The following KIF7 variants were observed in gnomAD, a reference collection of about 807,000 sequenced individuals.
The protein encoded by KIF7 is kinesin family member 7.
A neutral mutation model predicts 135.7 loss-of-function variants in KIF7; 104 were observed. The ratio of observed to expected loss-of-function variants is 0.77; its 90% CI spans 0.65 to 0.90. The LOEUF (loss-of-function observed/expected upper bound fraction) is 0.90, where lower values mean the gene tolerates loss of function less well. Among genes scored for constraint, KIF7 ranks in the 40% least tolerant of loss-of-function variants. KIF7 has a pLI of 0.00. For missense variants in KIF7, 2,005 were observed against 1,839.1 expected (o/e 1.09, Z -1.65); for synonymous variants, 883 against 809.4 (o/e 1.09, Z -1.54).
Position 89,628,140 on chromosome 15 carries a change from T to C in KIF7, c.*279A>G. On this transcript the variant is annotated 3_prime_UTR_variant, in exon 19 of 19. Transcript: ENST00000394412. Reference sequence around the variant, plus strand: ...AACTACAAGCACATCCATTTACGCCTGAAACCAGAATTGTCCTGAGATTCG... The same window carrying C: ...AACTACAAGCACATCCATTTACGCCCGAAACCAGAATTGTCCTGAGATTCG... 2.5e-6 allele frequency: 1 copy of C among 404,750 alleles called. No homozygotes were observed. Among genetic ancestry groups the C allele is most frequent in the Non-Finnish European group, 4.4e-6 (1 of 228,490 alleles). 25.1% of individuals were successfully genotyped at this position (404,750 alleles called of 1,614,324 possible).
intron 1 of KIF7, among the ~76,000 whole-genome samples, chr15:89,654,163 C>T (rs932473080): frequency 6.6e-6 from 1 of 152,088 alleles, no homozygotes; most frequent in Non-Finnish European, 1.5e-5. Flanking sequence ...GCGCCCGCCA[C>T]CACGCCCGGC....
At chr15:89,624,251 C>G (rs766049207), downstream of KIF7, 1 of 1,614,220 alleles carries the variant, frequency 6.2e-7, no homozygotes, top group Non-Finnish European at 8.5e-7. Flanking sequence ...CTGTTTACCT[C>G]TCCTTTATGT....
rs114722373 is a variant in KIF7, at chr15:89,619,584, A to G, written c.181-1389T>C. 1,101 of 1,004,682 alleles carry G rather than the reference A, an allele frequency of 1.1e-3. 6 individuals carry two copies. The African/African-American group carries it at 0.015, about 14-fold the overall frequency. The allele number at this position is 1,004,682 out of a possible 1,614,324, so 62.2% of individuals were successfully genotyped here. ...GACACTTCAGAAGTCTCTTAAAGCT[A>G]ATAGCTTGCTGAATTTCCATCTTAT... is the stretch of plus-strand genomic sequence containing the variant. On this transcript the variant is annotated intron_variant and NMD_transcript_variant, in intron 1 of 2. Coordinates refer to the KIF7 transcript ENST00000558928.
chr15:89,624,030 T>G (rs1451510190), downstream of KIF7: 1 of 1,613,264 alleles, frequency 6.2e-7, no homozygotes, highest in Non-Finnish European at 8.5e-7. Flanking sequence ...GGAGAGAGTG[T>G]CTCACTCCCA....
chr15:89,632,108 G>A (rs112834102), intron 14 of KIF7, among the ~76,000 whole-genome samples: 1 of 152,232 alleles, frequency 6.6e-6, no homozygotes, highest in Non-Finnish European at 1.5e-5. Context: ...CTGGCGGAGG[G>A]AAGTTACGGA....
rs1963581263 is a variant in KIF7, at chr15:89,628,440, A to C, written c.4011T>G (p.Asp1337Glu). ...GGGCTTACAGGGGGTTTTTCCGGAC[A>C]TCAATCATCCCCGGGCTGGCTCGTC... ...ELRRASPGMI[D>E]VRKNPL Residue 1337 changes from aspartate to glutamate, a missense_variant, in exon 19 of 19, where the codon GAT becomes GAG. Asp to Glu is a conservative substitution (Grantham distance 45, BLOSUM62 2). Transcript: ENST00000394412. 6.2e-7 allele frequency: 1 copy of C among 1,607,500 alleles called. No homozygotes were observed. The highest frequency in any genetic ancestry group is 1.3e-5 in the African/African-American group (1 of 74,872).
At chr15:89,659,445 A>G (rs1469792044), upstream of KIF7, among the ~76,000 whole-genome samples, 1 of 148,518 alleles carries the variant, frequency 6.7e-6, no homozygotes, top group Non-Finnish European at 1.5e-5. Flanking sequence ...AGGGGAAAGA[A>G]AGAGAGAGAG....
At chr15:89,631,989 G>A (rs1963689506) in intron 14 of KIF7, among the ~76,000 whole-genome samples, 2 of 152,232 alleles carry the variant, frequency 1.3e-5, no homozygotes, top group African/African-American at 2.4e-5. Flanking sequence ...ATGGGTAGGG[G>A]TGGGAGGAAT....
At chr15:89,627,236 G>C (rs1314197859), downstream of KIF7, 11 of 926,302 alleles carry the variant, frequency 1.2e-5, no homozygotes, top group Middle Eastern at 3.4e-4. Context: ...TTCCCCTTAT[G>C]GATCCAATCC....
chr15:89,648,578 C>T lies in KIF7; in HGVS notation c.1120G>A (p.Gly374Ser). Reference sequence around the variant, plus strand: ...GTCTCGGAGCGGTGCCGTGGCGGACCCCGCGCGCCGCTCGCCGTCTCTTCG... The same window carrying T: ...GTCTCGGAGCGGTGCCGTGGCGGACTCCGCGCGCCGCTCGCCGTCTCTTCG... Reference protein sequence around the residue: ...PPEETASGARGPPRHRSETRI... With the variant: ...PPEETASGARSPPRHRSETRI... The change falls in exon 5 of 19, where the codon GGT becomes AGT. Residue 374 changes from glycine to serine, a missense_variant. By Grantham distance (56) the Gly-to-Ser change is moderately conservative. Coordinates refer to ENST00000394412, the MANE Select transcript of KIF7 (RefSeq NM_198525.3). The T allele has an allele frequency of 6.6e-7, 1 of 1,506,316 alleles. No homozygotes were observed. The highest frequency in any genetic ancestry group is 1.2e-5 in the South Asian group (1 of 82,666). The allele number at this position is 1,506,316 out of a possible 1,614,324, so 93.3% of individuals were successfully genotyped here.
the KIF7 span, among the ~76,000 whole-genome samples, chr15:89,660,812 T>A: frequency 6.6e-6 from 1 of 152,202 alleles, no homozygotes; most frequent in Non-Finnish European, 1.5e-5. Flanking sequence ...TAAGTACATA[T>A]GATACAAGGA....
In KIF7 at chr15:89,629,680, A is replaced by T. The variant is rs115779159; in HGVS notation, c.3319-107T>A. On this transcript the variant is annotated intron_variant, in intron 16 of 18. Transcript: ENST00000394412. ...GCACACTTGCCACCACGGCACTAAG[A>T]AATCACCAGGGTCTTCCCTGCTGAG... 5,977 of 1,462,946 alleles carry T rather than the reference A, an allele frequency of 4.1e-3. 132 individuals are homozygous for T. The African/African-American group carries it at 0.059, about 14-fold the overall frequency. The allele number at this position is 1,462,946 out of a possible 1,614,324, so 90.6% of individuals were successfully genotyped here. A position where few individuals can be genotyped will look rare whatever the true frequency, so the allele number is the denominator to read the frequency against.
chr15:89,637,643 A>G (rs1350592214), intron 11 of KIF7, among the ~76,000 whole-genome samples: 1 of 148,626 alleles, frequency 6.7e-6, no homozygotes, highest in African/African-American at 2.5e-5. Flanking sequence ...CTCTGAATAG[A>G]CCAATAACAG....
At chr15:89,633,331 G>T in intron 12 of KIF7, 65 bp from the exon 13 acceptor site, 1 of 1,533,084 alleles carries the variant, frequency 6.5e-7, no homozygotes, top group Non-Finnish European at 8.7e-7. Context: ...GCCTGCCACC[G>T]ATCCCAAAGC....
chr15:89,633,641 C>T (rs1286355151), intron 12 of KIF7, 45 bp downstream of exon 12: 1 of 1,592,062 alleles, frequency 6.3e-7, no homozygotes, highest in South Asian at 1.1e-5. Context: ...GCCAGCTCAG[C>T]CTATTGGCCT....
At chr15:89,619,620 A>G (rs930714802) in intron 1 of KIF7, 2 of 1,376,638 alleles carry the variant, frequency 1.5e-6, no homozygotes, top group South Asian at 1.4e-5. Context: ...ATGTGGTACT[A>G]TGTAAATTTT....
chr15:89,639,625 T>C (rs1410640143), intron 11 of KIF7, among the ~76,000 whole-genome samples: 5 of 133,242 alleles, frequency 3.8e-5, no homozygotes, highest in Non-Finnish European at 3.2e-5. Context: ...TGGCAATCAT[T>C]AAAAAGTCAG....
Position 89,621,321 on chromosome 15 carries a change from G to A in KIF7, c.181-3126C>T, listed in dbSNP as rs1024949881. 6.7e-6 allele frequency: 10 copies of A among 1,491,358 alleles called. No individual in the cohort carries two copies. The Admixed American group carries it at 2.1e-4, about 31-fold the overall frequency. 92.4% of individuals were successfully genotyped at this position (1,491,358 alleles called of 1,614,324 possible). On this transcript the variant is annotated intron_variant and NMD_transcript_variant, in intron 1 of 2. Transcript: ENST00000558928. ...CAGGCGTGAGCCACCATGCGTGGCT[G>A]GCTGTTTTAATAGTATTGGAAGAAC...
At chr15:89,658,700 A>C (rs950388481), upstream of KIF7, among the ~76,000 whole-genome samples, 1 of 151,626 alleles carries the variant, frequency 6.6e-6, no homozygotes, top group African/African-American at 2.4e-5. Flanking sequence ...CCATCTCTAC[A>C]AAAAAATGCA....
Sources: gnomAD v4.1 joint callset for allele counts (sites outside exome capture counted in the v4.1 genomes callset) on GRCh38, gnomAD v4.1.1 for gene constraint, MANE v1.5 for transcripts, NCBI Gene and HGNC (gene_info 2026-07-23, HGNC 2026-07-21) for gene names.